Variants in CEP85L observed in about 807,000 individuals in gnomAD.
The protein encoded by CEP85L is centrosomal protein 85L.
CEP85L carries 60 observed loss-of-function variants against 100.3 expected under a neutral mutation model. The observed-to-expected ratio is 0.60, with a 90% CI of 0.49 to 0.74. The LOEUF is 0.74. Among genes scored for constraint, CEP85L ranks in the 30% least tolerant of loss-of-function variants. The pLI is 0.00. For missense variants in CEP85L, 973 were observed against 936.2 expected, an observed-to-expected ratio of 1.04 and a Z score of -0.51; for synonymous variants, 319 against 322.7, an observed-to-expected ratio of 0.99 and a Z score of 0.12.
chr6:118,617,455 C>T, intron 2 of CEP85L, among the ~76,000 whole-genome samples: 1 of 152,180 alleles, frequency 6.6e-6, no homozygotes, highest in South Asian at 2.1e-4. Context: ...TGCTGTGCAG[C>T]TGCAAGGCCA....
intron 10 of CEP85L, among the ~76,000 whole-genome samples, chr6:118,476,700 A>T (rs1317931287): frequency 2.0e-5 from 3 of 152,208 alleles, no homozygotes; most frequent in African/African-American, 7.2e-5. Context: ...TAAATAGAAC[A>T]GACTGTGTCA....
In CEP85L at chr6:118,694,508, T is replaced by A. The variant is rs370736276; in HGVS notation, c.-28+15528A>T. ...AACTGGGTGGCAATTGTGATGTAATTCTCCTTGCCTTAGTATTACCTTAAC... is the reference window on the plus strand; with the variant it reads ...AACTGGGTGGCAATTGTGATGTAATACTCCTTGCCTTAGTATTACCTTAAC... On this transcript the variant is annotated intron_variant, in intron 1 of 13. Transcript: ENST00000368488. 1.9e-3 allele frequency among the ~76,000 whole-genome samples: 286 copies of A among 152,320 alleles called. 11 individuals carry two copies. In the South Asian group the frequency reaches 0.056, roughly 30 times the overall value.
chr6:118,697,673 G>A (rs1777257873), intron 1 of CEP85L, among the ~76,000 whole-genome samples: 1 of 152,212 alleles, frequency 6.6e-6, no homozygotes, highest in Non-Finnish European at 1.5e-5. Flanking sequence ...AGGTGGCGGT[G>A]TGGCATGAGG....
chr6:118,530,254 T>G (rs1777216162), intron 3 of CEP85L, among the ~76,000 whole-genome samples: 1 of 151,954 alleles, frequency 6.6e-6, no homozygotes. Flanking sequence ...TTCACTCTTT[T>G]TTTTCACAGC....
chr6:118,614,905 T>TAGAC (rs1387357195), intron 2 of CEP85L, among the ~76,000 whole-genome samples: 1 of 151,842 alleles, frequency 6.6e-6, no homozygotes, highest in African/African-American at 2.4e-5. Flanking sequence ...GATAGATAGA[T>TAGAC]AGATTTTTTT....
intron 6 of CEP85L, 94 bp downstream of exon 6, chr6:118,491,592 C>T (rs1019277713): frequency 6.0e-6 from 9 of 1,504,032 alleles, no homozygotes; most frequent in Non-Finnish European, 5.3e-6. Flanking sequence ...GTATACATAA[C>T]CTGGCATGAC....
chr6:118,557,310 T>A (rs185050144), intron 3 of CEP85L, among the ~76,000 whole-genome samples: 10 of 152,336 alleles, frequency 6.6e-5, no homozygotes, highest in African/African-American at 1.9e-4. Context: ...CAGTGACTGA[T>A]CAAACCAATT....
At chr6:118,542,725 A>C (rs941178135) in intron 3 of CEP85L, among the ~76,000 whole-genome samples, 3 of 151,934 alleles carry the variant, frequency 2.0e-5, no homozygotes, top group Non-Finnish European at 4.4e-5. Context: ...ATGGTTACAC[A>C]AAACTATGGA....
intron 1 of CEP85L, among the ~76,000 whole-genome samples, chr6:118,644,528 A>T (rs974344815): frequency 6.6e-6 from 1 of 151,966 alleles, no homozygotes; most frequent in Non-Finnish European, 1.5e-5. Context: ...AAGGATCTCA[A>T]ATTTCACATG....
chr6:118,525,616 C>A (rs943125461), intron 3 of CEP85L, among the ~76,000 whole-genome samples: 9 of 152,134 alleles, frequency 5.9e-5, no homozygotes, highest in African/African-American at 2.2e-4. Flanking sequence ...AAGCCAAAGA[C>A]CAAAAGCTAG....
upstream of CEP85L, chr6:118,651,984 G>A (rs536708376): frequency 2.6e-5 from 21 of 802,872 alleles, no homozygotes; most frequent in South Asian, 1.1e-3. Context: ...GGCTGAGGGG[G>A]CTTCCAGCCT....
At chr6:118,653,006 C>T (rs1002659528), upstream of CEP85L, among the ~76,000 whole-genome samples, 2 of 151,898 alleles carry the variant, frequency 1.3e-5, no homozygotes, top group Admixed American at 6.6e-5. Flanking sequence ...GTCTCAGGAA[C>T]AGAATTTTTG....
chr6:118,621,063 G>T (rs1773409205), intron 2 of CEP85L, among the ~76,000 whole-genome samples: 1 of 152,094 alleles, frequency 6.6e-6, no homozygotes. Flanking sequence ...TTCAAATTAG[G>T]CTAAAAGACC....
At chr6:118,499,731 T>TCAATTTAATAAAGAACATATA (rs1025657338) in intron 5 of CEP85L, among the ~76,000 whole-genome samples, 2 of 152,008 alleles carry the variant, frequency 1.3e-5, no homozygotes, top group Non-Finnish European at 2.9e-5. Flanking sequence ...GGAAGCTTCT[T>TCAATTTAATAAAGAACATATA]CAATTTAATA....
intron 3 of CEP85L, among the ~76,000 whole-genome samples, chr6:118,525,375 C>G (rs1776906840): frequency 6.6e-6 from 1 of 152,080 alleles, no homozygotes; most frequent in African/African-American, 2.4e-5. Flanking sequence ...AAGTTGAAGT[C>G]CTAACCTCTT....
At chr6:118,683,617 G>T (rs1776738042) in intron 1 of CEP85L, among the ~76,000 whole-genome samples, 1 of 152,212 alleles carries the variant, frequency 6.6e-6, no homozygotes, top group Admixed American at 6.5e-5. Context: ...ATAGGTAACA[G>T]ATCAATGTCC....
intron 3 of CEP85L, among the ~76,000 whole-genome samples, chr6:118,562,398 C>G (rs542883613): frequency 1.2e-4 from 18 of 152,060 alleles, no homozygotes; most frequent in African/African-American, 1.4e-4. Flanking sequence ...GGGTGTTACT[C>G]TGTCATGCAG....
intron 2 of CEP85L, among the ~76,000 whole-genome samples, chr6:118,594,669 C>T (rs1781367424): frequency 6.6e-6 from 1 of 151,766 alleles, no homozygotes; most frequent in South Asian, 2.1e-4. Flanking sequence ...GAGATCGAGA[C>T]CATGGTGAAA....
At chr6:118,675,156 G>C (rs913191313) in intron 1 of CEP85L, among the ~76,000 whole-genome samples, 1 of 140,474 alleles carries the variant, frequency 7.1e-6, no homozygotes, top group Non-Finnish European at 1.6e-5. Context: ...AAAATGGAGT[G>C]CTGTTACATG....
Sources: allele counts gnomAD v4.1 joint callset (sites outside exome capture counted in the v4.1 genomes callset), GRCh38; gene constraint gnomAD v4.1.1; transcripts MANE v1.5; gene names NCBI Gene and HGNC (gene_info 2026-07-23, HGNC 2026-07-21).